Variants in ACADSB observed in about 807,000 individuals in gnomAD.
The protein encoded by ACADSB is short/branched chain specific acyl-CoA dehydrogenase, mitochondrial.
A neutral mutation model predicts 54.1 loss-of-function variants in ACADSB; 40 were observed. The ratio of observed to expected loss-of-function variants is 0.74; its 90% CI spans 0.57 to 0.96. ACADSB has a LOEUF of 0.96. Ranked by LOEUF, ACADSB falls within the 40% of genes least tolerant of loss-of-function variation. ACADSB has a pLI of 0.00. For synonymous variants in ACADSB, 182 were observed against 182.8 expected, an observed-to-expected ratio of 1.00 and a Z score of 0.03; for missense variants, 530 against 510.4, an observed-to-expected ratio of 1.04 and a Z score of -0.37.
chr10:123,028,229 T>C (rs1850280363), intron 1 of ACADSB, among the ~76,000 whole-genome samples: 1 of 143,986 alleles, frequency 6.9e-6, no homozygotes, highest in Admixed American at 7.1e-5. Context: ...GATTAGTTGG[T>C]AAATGTTACT....
intron 1 of ACADSB, among the ~76,000 whole-genome samples, chr10:123,025,031 G>C (rs1313245853): frequency 1.3e-5 from 2 of 152,180 alleles, no homozygotes; most frequent in East Asian, 3.8e-4. Context: ...GGGAAGTTGA[G>C]GTTCCAGTGA....
At position 123,052,563 on chromosome 10, in the gene ACADSB, A is replaced by T. The variant is rs1318806238; in HGVS notation, c.1129-498A>T. Reference sequence around the variant, plus strand: ...TCTGCAGAGTCCCTATTGCCATGGAAGGCAGCATATTCACAGCTCTGAGGG... The same window carrying T: ...TCTGCAGAGTCCCTATTGCCATGGATGGCAGCATATTCACAGCTCTGAGGG... On this transcript the variant is annotated intron_variant, in intron 9 of 10. Transcript: ENST00000358776. The surrounding 1 kb of genome is among the most constrained non-coding windows in gnomAD (Gnocchi z 4.2). Among the ~76,000 whole-genome samples, 1 of 152,174 alleles carries T rather than the reference A, an allele frequency of 6.6e-6. No homozygotes were observed. Among genetic ancestry groups the T allele is most frequent in the Non-Finnish European group, 1.5e-5 (1 of 68,034 alleles).
intron 1 of ACADSB, among the ~76,000 whole-genome samples, chr10:123,013,672 G>A (rs1229750455): frequency 2.0e-5 from 3 of 152,262 alleles, no homozygotes; most frequent in Non-Finnish European, 4.4e-5. Context: ...CTAAGGCCTG[G>A]CTAGAAATCG....
In ACADSB at chr10:123,052,633, G is replaced by A. The variant is rs1254955925; in HGVS notation, c.1129-428G>A. ...GAGGGGCCATTCTGCAGGGTCTCTCGCTCCTCCATTCTCTTTTCACATTTC... is the reference window on the plus strand; with the variant it reads ...GAGGGGCCATTCTGCAGGGTCTCTCACTCCTCCATTCTCTTTTCACATTTC... On this transcript the variant is annotated intron_variant, in intron 9 of 10. Transcript: ENST00000358776. The surrounding 1 kb of genome is among the most constrained non-coding windows in gnomAD (Gnocchi z 4.2). The A allele has an allele frequency of 2.7e-5, 7 of 256,376 alleles. No homozygotes were observed. Among genetic ancestry groups the A allele is most frequent in the African/African-American group, 2.2e-5 (1 of 44,450 alleles). 15.9% of individuals were successfully genotyped at this position (256,376 alleles called of 1,614,324 possible). A position where few individuals can be genotyped will look rare whatever the true frequency, so the allele number is the denominator to read the frequency against.
chr10:123,041,275 G>A lies in ACADSB; in HGVS notation c.577G>A (p.Asp193Asn). 6.2e-7 allele frequency: 1 copy of A among 1,614,192 alleles called. No homozygotes were observed. Residue 193 changes from aspartate (D) to asparagine (N), a missense_variant, in exon 5 of 11, where the codon GAT becomes AAT. Physicochemically the swap from Asp to Asn is conservative, Grantham distance 23. Transcript: ENST00000358776. ...CTCATTTGCTTTGAAGACCAGAGCT[G>A]ATAAAGAGGGAGATTATTATGTCCT... ...SDSFALKTRA[D>N]KEGDYYVLNG...
intron 1 of ACADSB, among the ~76,000 whole-genome samples, chr10:123,022,348 C>T (rs576746908): frequency 1.7e-4 from 26 of 152,314 alleles, no homozygotes; most frequent in Middle Eastern, 3.4e-3. Flanking sequence ...CCTATGACAC[C>T]ATTGTAAAAT....
chr10:123,043,281 G>C (rs543402644), intron 6 of ACADSB, 110 bp downstream of exon 6: 1 of 1,343,942 alleles, frequency 7.4e-7, no homozygotes, highest in Non-Finnish European at 1.1e-6. Flanking sequence ...ATAAGCACAC[G>C]CAGGAGAGTA....
chr10:123,031,333 A>C (rs1009502473), intron 1 of ACADSB, among the ~76,000 whole-genome samples: 3 of 152,244 alleles, frequency 2.0e-5, no homozygotes, highest in African/African-American at 7.2e-5. Flanking sequence ...TAAGTGCAAC[A>C]GAACTCTGGT....
chr10:123,011,296 C>G (rs1850030753), intron 1 of ACADSB, among the ~76,000 whole-genome samples: 1 of 152,158 alleles, frequency 6.6e-6, no homozygotes. Context: ...ATATTAGTGG[C>G]TTCATCTTGC....
chr10:123,018,160 T>A (rs1850132806), intron 1 of ACADSB, among the ~76,000 whole-genome samples: 1 of 152,186 alleles, frequency 6.6e-6, no homozygotes, highest in African/African-American at 2.4e-5. Flanking sequence ...TAGAATCTTA[T>A]TTTTGGTTTA....
chr10:123,053,985 A>G lies in ACADSB; in HGVS notation c.*220A>G. 2 of 602,582 alleles carry G rather than the reference A, an allele frequency of 3.3e-6. No individual in the cohort carries two copies. Among genetic ancestry groups the G allele is most frequent in the South Asian group, 4.0e-5 (2 of 49,716 alleles). The allele number at this position is 602,582 out of a possible 1,614,324, so 37.3% of individuals were successfully genotyped here. A position where few individuals can be genotyped will look rare whatever the true frequency, so the allele number is the denominator to read the frequency against. On this transcript the variant is annotated 3_prime_UTR_variant, in exon 11 of 11. Transcript: ENST00000358776. Reference sequence around the variant, plus strand: ...GATCCACTTTTAAACTTGGGAAATAAGCACCTGTATTTTTTTCCAAAACTG... The same window carrying G: ...GATCCACTTTTAAACTTGGGAAATAGGCACCTGTATTTTTTTCCAAAACTG...
At chr10:123,027,824 G>A (rs1342639807) in intron 1 of ACADSB, among the ~76,000 whole-genome samples, 1 of 152,206 alleles carries the variant, frequency 6.6e-6, no homozygotes, top group African/African-American at 2.4e-5. Context: ...CCACAACAGT[G>A]TCTTCCCTGA....
rs530179990 is a variant in ACADSB at position 123,053,046 on chromosome 10, A to G, written c.1129-15A>G. ...TATGTGGTTTCAGTGTGTGATTTGCACTTGCTTTTGGTAGATTGCAGGACA... is the reference window on the plus strand; with the variant it reads ...TATGTGGTTTCAGTGTGTGATTTGCGCTTGCTTTTGGTAGATTGCAGGACA... On this transcript the variant is annotated splice_polypyrimidine_tract_variant and intron_variant, in intron 9 of 10. Transcript: ENST00000358776. 6.9e-6 allele frequency: 11 copies of G among 1,605,482 alleles called. No individual in the cohort carries two copies. The highest frequency in any genetic ancestry group is 2.7e-5 in the African/African-American group (2 of 74,842).
At chr10:123,014,350 T>G (rs1850084662) in intron 1 of ACADSB, among the ~76,000 whole-genome samples, 2 of 152,242 alleles carry the variant, frequency 1.3e-5, no homozygotes, top group Admixed American at 6.5e-5. Flanking sequence ...GTTAGTTTTT[T>G]AGAGACAGGA....
chr10:123,023,358 G>T (rs751541271), intron 1 of ACADSB, among the ~76,000 whole-genome samples: 32 of 152,152 alleles, frequency 2.1e-4, no homozygotes, highest in Non-Finnish European at 4.4e-4. Flanking sequence ...TAAGTCATGT[G>T]AACTTGAAAT....
At chr10:123,010,564 A>G (rs1850013438) in intron 1 of ACADSB, among the ~76,000 whole-genome samples, 1 of 152,184 alleles carries the variant, frequency 6.6e-6, no homozygotes, top group South Asian at 2.1e-4. Flanking sequence ...CTCACTTCCT[A>G]GTGGTATAAC....
Position 123,040,643 on chromosome 10 carries a change from A to C in ACADSB, c.481A>C (p.Thr161Pro), listed in dbSNP as rs555765069. Reference protein sequence around the residue: ...RKHGTEEQKATYLPQLTTEKV... With the variant: ...RKHGTEEQKAPYLPQLTTEKV... ...ACATGGAACAGAAGAACAAAAGGCC[A>C]CCTATTTGCCTCAGCTCACTACAGA... The change falls in exon 4 of 11, where the codon ACC becomes CCC. Residue 161 changes from threonine to proline, a missense_variant. Thr to Pro is a conservative substitution (Grantham distance 38). Coordinates refer to ENST00000358776, the MANE Select transcript of ACADSB (RefSeq NM_001609.4). 6.2e-7 allele frequency: 1 copy of C among 1,613,972 alleles called. No homozygotes were observed. Among genetic ancestry groups the C allele is most frequent in the Non-Finnish European group, 8.5e-7 (1 of 1,179,864 alleles).
At chr10:123,038,110 G>A (rs906594381) in intron 3 of ACADSB, among the ~76,000 whole-genome samples, 1 of 152,176 alleles carries the variant, frequency 6.6e-6, no homozygotes, top group African/African-American at 2.4e-5. Context: ...CTCAAATGGG[G>A]GCAGTTTTGC....
At chr10:123,040,376 G>A in intron 3 of ACADSB, 90 bp from the exon 4 acceptor site, 1 of 1,096,068 alleles carries the variant, frequency 9.1e-7, no homozygotes. Context: ...AATAAATATG[G>A]TTACAGTTTA....
Sources: gnomAD v4.1 joint callset for allele counts (sites outside exome capture counted in the v4.1 genomes callset) on GRCh38, gnomAD v4.1.1 for gene constraint, Gnocchi (gnomAD v3.1) non-coding constraint, MANE v1.5 for transcripts, NCBI Gene and HGNC (gene_info 2026-07-23, HGNC 2026-07-21) for gene names.